The following SNX6 variants were observed in gnomAD, a reference collection of about 807,000 sequenced individuals.
SNX6 encodes sorting nexin-6.
In SNX6, 34 loss-of-function variants were observed where a neutral mutation model predicts 63.0. That is an observed-to-expected ratio of 0.54 (90% CI 0.41 to 0.72). The LOEUF (loss-of-function observed/expected upper bound fraction) is 0.72, where lower values mean the gene tolerates loss of function less well. SNX6 is among the 30% of genes least tolerant of loss of function. The probability of loss-of-function intolerance (pLI) is 0.00; values close to 1 mark genes in which losing one functional copy is unlikely to be tolerated. For synonymous variants in SNX6, 170 were observed against 164.2 expected, an observed-to-expected ratio of 1.04 and a Z score of -0.27; for missense variants, 398 against 471.4, an observed-to-expected ratio of 0.84 and a Z score of 1.44.
chr14:34,572,671 G>GTTTTTTTTGT (rs930085741), intron 11 of SNX6, among the ~76,000 whole-genome samples: 1 of 150,908 alleles, frequency 6.6e-6, no homozygotes, highest in African/African-American at 2.4e-5. Context: ...AGTTATTTGT[G>GTTTTTTTTGT]TTTTTTTTGT....
At chr14:34,575,883 CATTCTCCTCTCA>C in intron 10 of SNX6, 41 bp from the exon 11 acceptor site, 1 of 1,158,594 alleles carries the variant, frequency 8.6e-7, no homozygotes, top group Non-Finnish European at 1.3e-6. Flanking sequence ...TCAACAACTA[CATTCTCCTCTCA>C]GTGGTTTCCT....
chr14:34,596,505 G>A (rs891646474), intron 7 of SNX6, among the ~76,000 whole-genome samples: 3 of 150,456 alleles, frequency 2.0e-5, no homozygotes, highest in Non-Finnish European at 4.4e-5. Context: ...TGTAATCCCA[G>A]CTACTCAGGA....
intron 7 of SNX6, 42 bp downstream of exon 7, chr14:34,597,508 G>T: frequency 8.9e-7 from 1 of 1,123,192 alleles, no homozygotes; most frequent in Admixed American, 2.0e-5. Context: ...CCTTTTAAAA[G>T]AAGTCTCAAC....
At chr14:34,622,480 C>G (rs968102926) in intron 2 of SNX6, among the ~76,000 whole-genome samples, 2 of 149,592 alleles carry the variant, frequency 1.3e-5, no homozygotes, top group East Asian at 2.0e-4. Context: ...CTACTCGGGA[C>G]GCTGAGGCAG....
intron 8 of SNX6, among the ~76,000 whole-genome samples, chr14:34,589,495 A>T (rs1187187723): frequency 6.6e-6 from 1 of 150,508 alleles, no homozygotes; most frequent in African/African-American, 2.5e-5. Flanking sequence ...AAGAAAACAT[A>T]AAGATTCTAA....
intron 11 of SNX6, among the ~76,000 whole-genome samples, chr14:34,574,317 CAG>C (rs1053229300): frequency 2.8e-4 from 40 of 143,950 alleles, no homozygotes; most frequent in African/African-American, 1.0e-3. Flanking sequence ...GCTTGGGTAA[CAG>C]AGCTAGAGTC....
chr14:34,565,457 C>G (rs914099202), intron 13 of SNX6, among the ~76,000 whole-genome samples: 3 of 151,998 alleles, frequency 2.0e-5, no homozygotes, highest in Non-Finnish European at 4.4e-5. Context: ...ACTACAAAAG[C>G]AGGTGGGCTG....
Position 34,563,133 on chromosome 14 carries a change from C to T in SNX6, c.1210G>A (p.Gly404Arg), listed in dbSNP as rs1457426456. ...LLQNCLAVLN[G>R]DT ...AGGCGGAGTGTGGCTTATGTGTCTC[C>T]ATTTAACACTGCCAGGCAGTTCTGC... The change falls in exon 14 of 14, where the codon GGA becomes AGA. Residue 404 changes from glycine to arginine, a missense_variant. Physicochemically the swap from Gly to Arg is moderately radical, Grantham distance 125. Coordinates refer to ENST00000362031, the MANE Select transcript of SNX6 (RefSeq NM_152233.4). 1.2e-6 allele frequency: 2 copies of T among 1,613,984 alleles called. No homozygotes were observed. Among genetic ancestry groups the T allele is most frequent in the Admixed American group, 1.7e-5 (1 of 59,990 alleles).
At chr14:34,605,155 T>C (rs1021485179) in intron 5 of SNX6, among the ~76,000 whole-genome samples, 16 of 152,134 alleles carry the variant, frequency 1.1e-4, no homozygotes, top group African/African-American at 3.6e-4. Context: ...CATTCTCTTT[T>C]GAGAAGTATG....
chr14:34,592,777 C>T (rs575010548), intron 8 of SNX6, among the ~76,000 whole-genome samples: 1 of 152,190 alleles, frequency 6.6e-6, no homozygotes, highest in African/African-American at 2.4e-5. Context: ...GGATCTTACT[C>T]TGTTGCTCAG....
chr14:34,568,721 C>T, intron 11 of SNX6: 1 of 887,896 alleles, frequency 1.1e-6, no homozygotes, highest in Non-Finnish European at 1.9e-6. Flanking sequence ...GCCACCTGTC[C>T]AGCGATTCTG....
At chr14:34,627,873 G>C (rs528320358) in intron 2 of SNX6, among the ~76,000 whole-genome samples, 3 of 151,966 alleles carry the variant, frequency 2.0e-5, no homozygotes, top group African/African-American at 4.8e-5. Context: ...CTCTTGCCTC[G>C]GCCTCCCAAA....
At position 34,563,014 on chromosome 14, in the gene SNX6, G is replaced by T; in HGVS notation, c.*108C>A. The stretch of plus-strand genomic sequence containing the variant: ...AAAGAGGAGTTGATGCACTTTTTCA[G>T]CTGCTTTTTGTTTGTTTCCAGTGAG... On this transcript the variant is annotated 3_prime_UTR_variant, in exon 14 of 14. Transcript: ENST00000362031. 1 of 1,136,994 alleles carries T rather than the reference G, an allele frequency of 8.8e-7. No homozygotes were observed. Among genetic ancestry groups the T allele is most frequent in the Non-Finnish European group, 1.3e-6 (1 of 770,304 alleles). The allele number at this position is 1,136,994 out of a possible 1,614,324, so 70.4% of individuals were successfully genotyped here. A position where few individuals can be genotyped will look rare whatever the true frequency, so the allele number is the denominator to read the frequency against.
chr14:34,569,200 T>G (rs913614259), intron 11 of SNX6: 34 of 692,066 alleles, frequency 4.9e-5, no homozygotes, highest in Admixed American at 4.7e-4. Flanking sequence ...AACAGCTTGA[T>G]AGTCCATGTA....
At chr14:34,625,795 CAA>C (rs992905507) in intron 2 of SNX6, among the ~76,000 whole-genome samples, 1 of 152,128 alleles carries the variant, frequency 6.6e-6, no homozygotes, top group Admixed American at 6.6e-5. Flanking sequence ...CTGAAGAGAT[CAA>C]AGTGTGACCA....
At chr14:34,627,759 G>T (rs886593290) in intron 2 of SNX6, among the ~76,000 whole-genome samples, 16 of 151,986 alleles carry the variant, frequency 1.1e-4, no homozygotes, top group African/African-American at 3.4e-4. Flanking sequence ...CAAAGTGCTG[G>T]GATTACAGGC....
At chr14:34,612,112 G>GT (rs1433987870) in intron 2 of SNX6, among the ~76,000 whole-genome samples, 1 of 151,700 alleles carries the variant, frequency 6.6e-6, no homozygotes, top group East Asian at 2.0e-4. Context: ...CAGGCTTTTT[G>GT]TTTTTTTAAA....
intron 8 of SNX6, among the ~76,000 whole-genome samples, chr14:34,590,385 G>A (rs1329619368): frequency 2.7e-5 from 4 of 149,218 alleles, no homozygotes; most frequent in East Asian, 2.0e-4. Context: ...CCAAGATTCC[G>A]CCACTGCACT....
chr14:34,616,675 T>C (rs1386581786), intron 2 of SNX6, among the ~76,000 whole-genome samples: 7 of 152,198 alleles, frequency 4.6e-5, no homozygotes, highest in African/African-American at 1.4e-4. Flanking sequence ...ACATAAAATG[T>C]ACACAAATTG....
Sources: allele counts gnomAD v4.1 joint callset (sites outside exome capture counted in the v4.1 genomes callset), GRCh38; gene constraint gnomAD v4.1.1; transcripts MANE v1.5; gene names NCBI Gene and HGNC (gene_info 2026-07-23, HGNC 2026-07-21).